The following TRIM31 variants were observed in gnomAD, a reference collection of about 807,000 sequenced individuals.
The protein encoded by TRIM31 is tripartite motif containing 31.
A neutral mutation model predicts 40.6 loss-of-function variants in TRIM31; 31 were observed. That is an observed-to-expected ratio of 0.76 (90% CI 0.57 to 1.03). The LOEUF (loss-of-function observed/expected upper bound fraction) is 1.03. TRIM31 is among the 50% of genes least tolerant of loss of function. The pLI is 0.00. For synonymous variants in TRIM31, 164 were observed against 193.9 expected (o/e 0.85, Z 1.28); for missense variants, 455 against 497.5 (o/e 0.91, Z 0.81).
chr6:30,109,934 A>T (rs1199889579), intron 4 of TRIM31, among the ~76,000 whole-genome samples: 2 of 152,008 alleles, frequency 1.3e-5, no homozygotes, highest in Non-Finnish European at 2.9e-5. Context: ...TTGATTTGGT[A>T]AGACTATATT....
At position 30,112,852 on chromosome 6, in the gene TRIM31, T is replaced by C. The variant is rs561193981; in HGVS notation, c.-47A>G. On this transcript the variant is annotated 5_prime_UTR_variant, in exon 2 of 9. Transcript: ENST00000376734. ...CAAGACTGTAGGAAGCTGTGCCAAG[T>C]CTGTAGGAGCCCCGGAGTCCACTGT... 5 of 1,537,932 alleles carry C rather than the reference T, an allele frequency of 3.3e-6. No individual in the cohort carries two copies. The Admixed American group carries it at 1.0e-4, about 32-fold the overall frequency.
intron 2 of TRIM31, 169 bp downstream of exon 2, chr6:30,112,220 C>A: frequency 1.5e-6 from 1 of 676,852 alleles, no homozygotes. Flanking sequence ...GTCAGCAGTT[C>A]CCCAGACTCA....
chr6:30,103,736 A>T lies in TRIM31; in HGVS notation c.1078T>A (p.Ser360Thr). The T allele has an allele frequency of 6.2e-7, 1 of 1,612,974 alleles. No homozygotes were observed. Among genetic ancestry groups the T allele is most frequent in the Non-Finnish European group, 8.5e-7 (1 of 1,180,024 alleles). ...CCAGCAGACGAGGCCCGAAACAGGG[A>T]GTGGGATGGGGCTGAAGAGTGGTGA... is the stretch of plus-strand genomic sequence containing the variant. ...PNHHSSAPSH[S>T]LFRASSAGKV... The change falls in exon 9 of 9, where the codon TCC becomes ACC. Residue 360 changes from serine to threonine, a missense_variant. Coordinates refer to ENST00000376734, the MANE Select transcript of TRIM31 (RefSeq NM_007028.5).
intron 6 of TRIM31, among the ~76,000 whole-genome samples, chr6:30,107,100 A>AAAAT (rs1339403377): frequency 1.1e-4 from 17 of 151,428 alleles, no homozygotes; most frequent in African/African-American, 3.6e-4. Context: ...AACTCCATCA[A>AAAAT]AAATAAATAA....
rs1769440120 is a variant in TRIM31, at chr6:30,112,461, A to G, written c.345T>C (p.Phe115=). Residue 115 remains phenylalanine (F), a synonymous_variant, in exon 2 of 9, where the codon TTT becomes TTC. Coordinates refer to ENST00000376734, the MANE Select transcript of TRIM31 (RefSeq NM_007028.5). ...TGTGGTCCTTGGATTCACGACACAC[A>G]AAACAGAGGAACTTCCCATCATCCT... The part of the protein sequence containing the change: ...FCEDDGKFLC[F]VCRESKDHKS... The G allele has an allele frequency of 6.2e-7, 1 of 1,612,962 alleles. No individual in the cohort carries two copies. The highest frequency in any genetic ancestry group is 8.5e-7 in the Non-Finnish European group (1 of 1,180,034).
Position 30,110,489 on chromosome 6 carries a change from G to A in TRIM31, c.703C>T (p.Leu235=). 1.9e-6 allele frequency: 3 copies of A among 1,614,148 alleles called. No individual in the cohort carries two copies. Among genetic ancestry groups the A allele is most frequent in the South Asian group, 1.1e-5 (1 of 91,078 alleles). Residue 235 remains leucine (L), a synonymous_variant, in exon 4 of 9, where the codon CTG becomes TTG. Coordinates refer to ENST00000376734, the MANE Select transcript of TRIM31 (RefSeq NM_007028.5). ...GGTGGCATGTTCTGCTTGGTCTTCA[G>A]GGAATCAACGAGCTTCTTGAGATCG... ...LNDLKKLVDS[L]KTKQNMPPRQ...
At chr6:30,105,616 T>C (rs1437576123) in intron 6 of TRIM31, 1 of 156,818 alleles carries the variant, frequency 6.4e-6, no homozygotes, top group Non-Finnish European at 1.4e-5. Context: ...CAACATGTAT[T>C]ATAAAAATTA....
In TRIM31 at chr6:30,103,378, CATCT is replaced by C; in HGVS notation, c.*154_*157del. Reference sequence around the variant, plus strand: ...CTCTCTTCACCACCACCCCCGCCCCCATCTCCACTCTCAGTAGCCCGAGCCCTCC... The same window carrying C: ...CTCTCTTCACCACCACCCCCGCCCCCCCACTCTCAGTAGCCCGAGCCCTCC... On this transcript the variant is annotated 3_prime_UTR_variant, in exon 9 of 9. Coordinates refer to ENST00000376734, the MANE Select transcript of TRIM31 (RefSeq NM_007028.5). The C allele has an allele frequency of 2.0e-6, 2 of 1,020,386 alleles. No individual in the cohort carries two copies. Among genetic ancestry groups the C allele is most frequent in the Non-Finnish European group, 1.4e-6 (1 of 694,484 alleles). The allele number at this position is 1,020,386 out of a possible 1,614,324, so 63.2% of individuals were successfully genotyped here. A position where few individuals can be genotyped will look rare whatever the true frequency, so the allele number is the denominator to read the frequency against.
chr6:30,105,196 T>G lies in TRIM31; in HGVS notation c.930A>C (p.Lys310Asn). 6.2e-7 allele frequency: 1 copy of G among 1,612,938 alleles called. No individual in the cohort carries two copies. The change falls in exon 7 of 9, where the codon AAA becomes AAC. Residue 310 changes from lysine (K) to asparagine (N), a missense_variant. Lys to Asn is a moderately conservative substitution (Grantham distance 94, BLOSUM62 0). Coordinates refer to ENST00000376734, the MANE Select transcript of TRIM31 (RefSeq NM_007028.5). ...TCTTCATGTCATTTTTATTCATGCT[T>G]TTGAAGAATCTGTTTTCATCTTTTT... ...DRKKDENRFF[K>N]SMNKNDMKSW...
chr6:30,107,753 T>C, intron 6 of TRIM31: 1 of 277,340 alleles, frequency 3.6e-6, no homozygotes, highest in Non-Finnish European at 6.8e-6. Context: ...AGACAACTCA[T>C]CACCAACTTC....
At chr6:30,110,027 TAAAA>T (rs9280894) in intron 4 of TRIM31, among the ~76,000 whole-genome samples, 1 of 118,226 alleles carries the variant, frequency 8.5e-6, no homozygotes, top group Non-Finnish European at 1.7e-5. Flanking sequence ...AGACTCAGTG[TAAAA>T]AAAAAAAAAA....
rs3734838 is a variant in TRIM31, at chr6:30,112,454, G to A, written c.352C>T (p.Arg118Cys). 0.079 allele frequency: 127,317 copies of A among 1,612,992 alleles called. 5,782 individuals are homozygous for A. The highest frequency in any genetic ancestry group is 0.1 in the South Asian group (9,171 of 91,074). Residue 118 changes from arginine (R) to cysteine (C), a missense_variant, in exon 2 of 9, where the codon CGT becomes TGT. Coordinates refer to ENST00000376734, the MANE Select transcript of TRIM31 (RefSeq NM_007028.5). ...TGGGATTTGTGGTCCTTGGATTCACGACACACAAAACAGAGGAACTTCCCA... is the reference window on the plus strand; with the variant it reads ...TGGGATTTGTGGTCCTTGGATTCACAACACACAAAACAGAGGAACTTCCCA... Reference protein sequence around the residue: ...DDGKFLCFVCRESKDHKSHNV... With the variant: ...DDGKFLCFVCCESKDHKSHNV...
At chr6:30,107,541 G>GC (rs3216934) in intron 6 of TRIM31, 125,102 of 152,572 alleles carry the variant, frequency 0.82, 51,685 homozygotes, top group East Asian at 0.92. Flanking sequence ...AAAATATCTG[G>GC]CGAACATCTA....
intron 6 of TRIM31, among the ~76,000 whole-genome samples, chr6:30,106,827 C>T (rs1322474333): frequency 6.6e-6 from 1 of 152,162 alleles, no homozygotes; most frequent in African/African-American, 2.4e-5. Flanking sequence ...TCGGGCTGGA[C>T]GTGGTGGCTC....
At chr6:30,108,902 G>T in intron 5 of TRIM31, 124 bp downstream of exon 5, 1 of 1,040,866 alleles carries the variant, frequency 9.6e-7, no homozygotes. Flanking sequence ...CTAAATGTAT[G>T]AATGCAGAGT....
Position 30,103,433 on chromosome 6 carries a change from C to T in TRIM31, c.*103G>A, listed in dbSNP as rs1768374221. On this transcript the variant is annotated 3_prime_UTR_variant, in exon 9 of 9. Transcript: ENST00000376734. The stretch of plus-strand genomic sequence containing the variant: ...CATTCTCCACTCCTTCGACCCAATT[C>T]CACTAAGTCAAGAACCGTGGTCGGT... 5 of 1,509,612 alleles carry T rather than the reference C, an allele frequency of 3.3e-6. No homozygotes were observed. The highest frequency in any genetic ancestry group is 4.5e-6 in the Non-Finnish European group (5 of 1,123,092). The allele number at this position is 1,509,612 out of a possible 1,614,324, so 93.5% of individuals were successfully genotyped here.
Position 30,112,668 on chromosome 6 carries a change from T to A in TRIM31, c.138A>T (p.Thr46=), listed in dbSNP as rs1399363128. 1.2e-6 allele frequency: 2 copies of A among 1,613,142 alleles called. No homozygotes were observed. Among genetic ancestry groups the A allele is most frequent in the Admixed American group, 1.7e-5 (1 of 60,030 alleles). Residue 46 remains threonine (T), a synonymous_variant, in exon 2 of 9, where the codon ACA becomes ACT. Transcript: ENST00000376734. The part of the protein sequence containing the change: ...CLKCITQIGE[T]SCGFFKCPLC... ...GGGGACATTTGAAAAATCCACATGA[T>A]GTTTCCCCAATCTGAGTGATGCATT...
intron 3 of TRIM31, chr6:30,111,351 A>T (rs999354884): frequency 2.5e-6 from 1 of 397,976 alleles, no homozygotes; most frequent in Non-Finnish European, 4.5e-6. Context: ...TCATTTTCTA[A>T]TTGGGGAATC....
Position 30,103,775 on chromosome 6 carries a change from A to G in TRIM31, c.1039T>C (p.Ser347Pro), listed in dbSNP as rs1484824091. Residue 347 changes from serine to proline, a missense_variant, in exon 9 of 9, where the codon TCG (serine) becomes CCG (proline). Ser to Pro is a moderately conservative substitution (Grantham distance 74, BLOSUM62 -1). Transcript: ENST00000376734. ...GSSSAGGRTT[S>P]GPPNHHSSAP... ...GAAGAGTGGTGATTTGGTGGCCCCG[A>G]TGTAGTTCTGCCGCCTTTGCGGGAG... 8.7e-6 allele frequency: 14 copies of G among 1,612,914 alleles called. No individual in the cohort carries two copies. The highest frequency in any genetic ancestry group is 4.5e-5 in the East Asian group (2 of 44,876).
Sources: allele counts gnomAD v4.1 joint callset (sites outside exome capture counted in the v4.1 genomes callset), GRCh38; gene constraint gnomAD v4.1.1; transcripts MANE v1.5; gene names NCBI Gene and HGNC (gene_info 2026-07-23, HGNC 2026-07-21).